Variants in PPFIA2 observed in about 807,000 individuals in gnomAD.
PPFIA2 encodes PPFI scaffold protein A2.
In PPFIA2, 46 loss-of-function variants were observed where a neutral mutation model predicts 175.5. That is an observed-to-expected ratio of 0.26 (90% confidence interval 0.21 to 0.34). The LOEUF is 0.34. Among genes scored for constraint, PPFIA2 ranks in the 10% least tolerant of loss-of-function variants. PPFIA2 has a pLI of 1.00. For synonymous variants in PPFIA2, 568 were observed against 511.4 expected (o/e 1.11, Z -1.49); for missense variants, 1,179 against 1,506.1 (o/e 0.78, Z 3.60).
intron 4 of PPFIA2, among the ~76,000 whole-genome samples, chr12:81,597,225 A>G (rs1367340807): frequency 6.6e-6 from 1 of 152,120 alleles, no homozygotes; most frequent in African/African-American, 2.4e-5. Context: ...ATTTGAAGAT[A>G]AAAAGAAGAT....
chr12:81,616,705 A>G (rs1191941864), intron 4 of PPFIA2, among the ~76,000 whole-genome samples: 1 of 152,148 alleles, frequency 6.6e-6, no homozygotes, highest in Non-Finnish European at 1.5e-5. Context: ...TTCACCACAC[A>G]TTTACTTAAA....
At chr12:81,394,355 T>G (rs1037175247) in intron 8 of PPFIA2, among the ~76,000 whole-genome samples, 1 of 151,934 alleles carries the variant, frequency 6.6e-6, no homozygotes, top group Admixed American at 6.6e-5. Context: ...AAATTATGTA[T>G]GTAAAGGATT....
intron 4 of PPFIA2, among the ~76,000 whole-genome samples, chr12:81,602,960 G>T (rs968061369): frequency 6.6e-6 from 1 of 151,806 alleles, no homozygotes. Flanking sequence ...ATACGTTTCC[G>T]GTGGTTGATA....
chr12:81,440,832 AT>A (rs2050053853), intron 6 of PPFIA2, among the ~76,000 whole-genome samples: 3 of 149,974 alleles, frequency 2.0e-5, no homozygotes, highest in South Asian at 2.1e-4. Flanking sequence ...ATATATATAT[AT>A]AAAACAATTC....
intron 4 of PPFIA2, among the ~76,000 whole-genome samples, chr12:81,478,316 G>A (rs1472493296): frequency 1.3e-5 from 2 of 151,384 alleles, no homozygotes; most frequent in East Asian, 1.9e-4. Flanking sequence ...TTCTTTATTA[G>A]TCTGGCTAGC....
intron 4 of PPFIA2, among the ~76,000 whole-genome samples, chr12:81,554,103 G>T (rs541451370): frequency 1.3e-5 from 2 of 152,016 alleles, no homozygotes; most frequent in African/African-American, 2.4e-5. Flanking sequence ...GCACTAGAAT[G>T]AGGAGACTCA....
intron 20 of PPFIA2, 43 bp from the exon 21 acceptor site, chr12:81,339,377 G>A (rs192240666): frequency 7.1e-7 from 1 of 1,418,104 alleles, no homozygotes; most frequent in East Asian, 2.6e-5. Flanking sequence ...CATCCACAAG[G>A]TACACAAAAG....
chr12:81,660,842 G>A (rs1596122198), intron 4 of PPFIA2, among the ~76,000 whole-genome samples: 2 of 152,150 alleles, frequency 1.3e-5, no homozygotes, highest in Non-Finnish European at 2.9e-5. Context: ...GACTAACAGT[G>A]GATCTCTCGG....
At chr12:81,623,772 G>C (rs2062352254) in intron 4 of PPFIA2, among the ~76,000 whole-genome samples, 1 of 151,802 alleles carries the variant, frequency 6.6e-6, no homozygotes, top group Non-Finnish European at 1.5e-5. Context: ...TTCCACCTAA[G>C]ATATAGTGAA....
chr12:81,439,806 A>C (rs1228350744), intron 7 of PPFIA2, 166 bp downstream of exon 7: 6 of 626,650 alleles, frequency 9.6e-6, no homozygotes, highest in South Asian at 4.2e-5. Context: ...ATAACCAAAA[A>C]TCAGAAAACA....
chr12:81,571,242 G>C (rs759017113), intron 4 of PPFIA2, among the ~76,000 whole-genome samples: 1 of 151,964 alleles, frequency 6.6e-6, no homozygotes, highest in Non-Finnish European at 1.5e-5. Context: ...AATTGTGGTG[G>C]CCCATTACTG....
At chr12:81,665,010 G>T (rs973065877) in intron 4 of PPFIA2, among the ~76,000 whole-genome samples, 3 of 151,836 alleles carry the variant, frequency 2.0e-5, no homozygotes, top group Admixed American at 2.0e-4. Context: ...ACACAGGAAG[G>T]GGAACATCAC....
At chr12:81,390,790 T>C (rs7959760) in intron 8 of PPFIA2, among the ~76,000 whole-genome samples, 1 of 151,514 alleles carries the variant, frequency 6.6e-6, no homozygotes, top group African/African-American at 2.4e-5. Flanking sequence ...TTTTAAGAAG[T>C]TCCAGTTTAT....
intron 7 of PPFIA2, chr12:81,431,346 A>G (rs1566798442): frequency 6.6e-6 from 1 of 152,050 alleles, no homozygotes; most frequent in Admixed American, 6.6e-5. Context: ...TGGCTTTCCA[A>G]TTTTAAGCAA....
chr12:81,391,740 C>T (rs1312665972), intron 8 of PPFIA2, among the ~76,000 whole-genome samples: 1 of 151,770 alleles, frequency 6.6e-6, no homozygotes, highest in African/African-American at 2.4e-5. Flanking sequence ...CAAGCTTATA[C>T]TAGGGGAATT....
At chr12:81,630,738 A>G (rs1411497894) in intron 4 of PPFIA2, among the ~76,000 whole-genome samples, 1 of 152,114 alleles carries the variant, frequency 6.6e-6, no homozygotes, top group African/African-American at 2.4e-5. Context: ...GCTAATTTCT[A>G]CGGTAGCTCA....
chr12:81,577,831 T>G (rs1036857267), intron 4 of PPFIA2, among the ~76,000 whole-genome samples: 4 of 151,790 alleles, frequency 2.6e-5, no homozygotes, highest in African/African-American at 4.8e-5. Flanking sequence ...AACTATTGTT[T>G]TATAAGAAAT....
At chr12:81,364,760 T>C (rs1177542154) in intron 14 of PPFIA2, among the ~76,000 whole-genome samples, 61 of 151,752 alleles carry the variant, frequency 4.0e-4, no homozygotes, top group Non-Finnish European at 4.4e-5. Flanking sequence ...ATTTTGGCTA[T>C]ATCGTGAGAG....
At chr12:81,421,016 T>G (rs1459981243) in intron 7 of PPFIA2, among the ~76,000 whole-genome samples, 1 of 152,126 alleles carries the variant, frequency 6.6e-6, no homozygotes, top group Non-Finnish European at 1.5e-5. Context: ...GGATGATATA[T>G]TCAAAGTACT....
Sources: allele counts gnomAD v4.1 joint callset (sites outside exome capture counted in the v4.1 genomes callset), GRCh38; gene constraint gnomAD v4.1.1; transcripts MANE v1.5; gene names NCBI Gene and HGNC (gene_info 2026-07-23, HGNC 2026-07-21).